The following HPSE2 variants were observed in gnomAD, a reference collection of about 807,000 sequenced individuals.
The protein encoded by HPSE2 is inactive heparanase-2.
In HPSE2, 38 loss-of-function variants were observed where a neutral mutation model predicts 60.5. The ratio of observed to expected loss-of-function variants is 0.63; its 90% CI spans 0.48 to 0.82. HPSE2 has a LOEUF of 0.82. HPSE2 is among the 40% of genes least tolerant of loss of function. The pLI, the probability that HPSE2 is intolerant of heterozygous loss-of-function variation, is 0.00. For missense variants in HPSE2, 713 were observed against 740.4 expected (o/e 0.96, Z 0.43); for synonymous variants, 295 against 293.2 (o/e 1.01, Z -0.06).
chr10:99,257,190 A>G, the HPSE2 span, among the ~76,000 whole-genome samples: 11 of 152,142 alleles, frequency 7.2e-5, no homozygotes, highest in Non-Finnish European at 1.3e-4. Context: ...TAACTGCACA[A>G]ATTGTTTGTA....
chr10:98,897,412 A>T (rs1192416002), intron 3 of HPSE2, among the ~76,000 whole-genome samples: 1 of 152,170 alleles, frequency 6.6e-6, no homozygotes, highest in Admixed American at 6.6e-5. Context: ...ACAGCATTGG[A>T]AGACTCACAC....
At chr10:98,565,869 T>C (rs1282833034) in intron 9 of HPSE2, among the ~76,000 whole-genome samples, 1 of 152,160 alleles carries the variant, frequency 6.6e-6, no homozygotes, top group Non-Finnish European at 1.5e-5. Context: ...ATCATCATTA[T>C]TGTTGTTTTG....
intron 2 of HPSE2, among the ~76,000 whole-genome samples, chr10:99,176,695 C>T (rs541063128): frequency 6.6e-6 from 1 of 152,190 alleles, no homozygotes; most frequent in Admixed American, 6.5e-5. Flanking sequence ...TTGGAAAAAA[C>T]TCTTCAGGAT....
At chr10:99,255,540 A>G in the HPSE2 span, among the ~76,000 whole-genome samples, 1 of 139,958 alleles carries the variant, frequency 7.1e-6, no homozygotes, top group African/African-American at 2.9e-5. Flanking sequence ...AAATTAGTAC[A>G]CACACATGCA....
At position 98,991,749 on chromosome 10, in the gene HPSE2, T is replaced by C. The variant is rs188279812; in HGVS notation, c.610+152489A>G. On this transcript the variant is annotated intron_variant, in intron 3 of 11. Transcript: ENST00000370552. Reference sequence around the variant, plus strand: ...AGAGAAAGTGAAGAGAATAGGAGAATGCGTGGTGGACAAAAAAAAACAGTA... The same window carrying C: ...AGAGAAAGTGAAGAGAATAGGAGAACGCGTGGTGGACAAAAAAAAACAGTA... Among the ~76,000 whole-genome samples the C allele has an allele frequency of 6.4e-4, 97 of 151,902 alleles. 1 individual carries two copies. Among genetic ancestry groups the C allele is most frequent in the Non-Finnish European group, 3.8e-4 (26 of 67,952 alleles).
intron 3 of HPSE2, among the ~76,000 whole-genome samples, chr10:98,770,297 T>C (rs1193759803): frequency 6.6e-6 from 1 of 152,212 alleles, no homozygotes; most frequent in Non-Finnish European, 1.5e-5. Context: ...AATGGTGGAA[T>C]CTGATCCCTA....
chr10:99,104,328 A>G (rs542551106), intron 3 of HPSE2, among the ~76,000 whole-genome samples: 49 of 152,046 alleles, frequency 3.2e-4, no homozygotes, highest in South Asian at 2.3e-3. Flanking sequence ...GGTGAAGGAT[A>G]TGAATAGAAA....
In HPSE2 at chr10:99,086,509, C is replaced by G. The variant is rs1028833637; in HGVS notation, c.610+57729G>C. On this transcript the variant is annotated intron_variant, in intron 3 of 11. Coordinates refer to ENST00000370552, the MANE Select transcript of HPSE2 (RefSeq NM_021828.5). ...CTGGGACTACAGGCGCCCGCCACTA[C>G]GCCCGGCTAATTTTTTGTATTTTTA... Among the ~76,000 whole-genome samples the G allele has an allele frequency of 2.7e-5, 4 of 150,678 alleles. No individual in the cohort carries two copies. The South Asian group carries it at 8.4e-4, about 32-fold the overall frequency.
At chr10:98,593,853 A>G (rs1191061937) in intron 9 of HPSE2, among the ~76,000 whole-genome samples, 2 of 152,200 alleles carry the variant, frequency 1.3e-5, no homozygotes, top group African/African-American at 4.8e-5. Flanking sequence ...GCAGGCTCTC[A>G]TTTCAGGGTA....
At chr10:98,754,858 C>A (rs1589769389) in intron 3 of HPSE2, among the ~76,000 whole-genome samples, 1 of 151,742 alleles carries the variant, frequency 6.6e-6, no homozygotes, top group African/African-American at 2.4e-5. Context: ...TACCACCTGA[C>A]CTTCCTTAAA....
intron 8 of HPSE2, among the ~76,000 whole-genome samples, chr10:98,619,745 A>G (rs1246585591): frequency 2.6e-5 from 4 of 152,134 alleles, no homozygotes; most frequent in Non-Finnish European, 5.9e-5. Flanking sequence ...ACTCCCACCT[A>G]TAGAAATTAG....
chr10:99,272,331 A>T, the HPSE2 span, among the ~76,000 whole-genome samples: 1 of 152,156 alleles, frequency 6.6e-6, no homozygotes, highest in African/African-American at 2.4e-5. Context: ...AAAATTCTAG[A>T]AGGAAACATT....
intron 10 of HPSE2, among the ~76,000 whole-genome samples, chr10:98,486,731 AAGTC>A (rs1941453886): frequency 6.6e-6 from 1 of 152,142 alleles, no homozygotes; most frequent in Non-Finnish European, 1.5e-5. Context: ...TTCCCACTGA[AAGTC>A]AATGTGCTTG....
chr10:98,735,501 G>A (rs1949334153), intron 4 of HPSE2, among the ~76,000 whole-genome samples: 1 of 151,778 alleles, frequency 6.6e-6, no homozygotes, highest in Non-Finnish European at 1.5e-5. Flanking sequence ...GCACTGCCTA[G>A]TAGAGCCATG....
intron 9 of HPSE2, among the ~76,000 whole-genome samples, chr10:98,543,023 T>C (rs1472486144): frequency 2.6e-5 from 4 of 152,150 alleles, no homozygotes; most frequent in Non-Finnish European, 4.4e-5. Flanking sequence ...AGACACATCA[T>C]TGTCAGATTC....
intron 5 of HPSE2, among the ~76,000 whole-genome samples, chr10:98,716,965 G>A (rs1948807014): frequency 6.6e-6 from 1 of 152,034 alleles, no homozygotes; most frequent in Admixed American, 6.6e-5. Context: ...ACGATTTTCA[G>A]AGTTTCAGAT....
intron 3 of HPSE2, among the ~76,000 whole-genome samples, chr10:99,073,014 T>C (rs1842848363): frequency 6.6e-6 from 1 of 151,160 alleles, no homozygotes; most frequent in South Asian, 2.1e-4. Context: ...GGAATGCTTT[T>C]ACACTGTTGG....
intron 9 of HPSE2, among the ~76,000 whole-genome samples, chr10:98,522,479 G>GT (rs550314853): frequency 2.0e-4 from 30 of 151,914 alleles, no homozygotes; most frequent in Non-Finnish European, 4.1e-4. Flanking sequence ...TTTTTTGTTT[G>GT]TTTTTTGTTT....
chr10:98,615,375 T>C (rs888825027), intron 8 of HPSE2, among the ~76,000 whole-genome samples: 3 of 152,186 alleles, frequency 2.0e-5, no homozygotes, highest in African/African-American at 7.2e-5. Flanking sequence ...CCAGAGGACA[T>C]ACAATTACAG....
Sources: gnomAD v4.1 joint callset for allele counts (sites outside exome capture counted in the v4.1 genomes callset) on GRCh38, gnomAD v4.1.1 for gene constraint, MANE v1.5 for transcripts, NCBI Gene and HGNC (gene_info 2026-07-23, HGNC 2026-07-21) for gene names.